Variants in PBLD observed in about 807,000 individuals in gnomAD.
PBLD encodes phenazine biosynthesis like protein domain containing.
Under a neutral mutation model 31.3 loss-of-function variants are expected in PBLD, and 26 were observed. The ratio of observed to expected loss-of-function variants is 0.83; its 90% confidence interval spans 0.61 to 1.15. The LOEUF is 1.15. Ranked by LOEUF, PBLD falls within the 50% of genes most tolerant of loss-of-function variation. PBLD has a pLI of 0.00. For synonymous variants in PBLD, 114 were observed against 129.0 expected, an observed-to-expected ratio of 0.88 and a Z score of 0.79; for missense variants, 307 against 351.7, an observed-to-expected ratio of 0.87 and a Z score of 1.02.
chr10:68,293,604 T>G (rs1166611763), intron 4 of PBLD, among the ~76,000 whole-genome samples: 1 of 152,238 alleles, frequency 6.6e-6, no homozygotes, highest in East Asian at 1.9e-4. Context: ...ACAAAGCATT[T>G]TTTCATACCT....
At chr10:68,329,498 G>A (rs10998070) in intron 1 of PBLD, among the ~76,000 whole-genome samples, 1 of 152,270 alleles carries the variant, frequency 6.6e-6, no homozygotes, top group Non-Finnish European at 1.5e-5. Context: ...CTGCCAAATC[G>A]GTTGAAAGAC....
intron 2 of PBLD, among the ~76,000 whole-genome samples, chr10:68,297,959 T>TGAA (rs113480498): frequency 6.7e-6 from 1 of 148,198 alleles, no homozygotes; most frequent in Non-Finnish European, 1.5e-5. Flanking sequence ...AAGATTTAAA[T>TGAA]AAAAAAAAAA....
chr10:68,296,223 G>A (rs1182847933), intron 4 of PBLD, 43 bp downstream of exon 4: 21 of 1,378,492 alleles, frequency 1.5e-5, no homozygotes, highest in Admixed American at 4.4e-5. Flanking sequence ...AAAAAAAAAA[G>A]CCATTTGCTA....
At chr10:68,307,536 G>C (rs1270139887) in intron 1 of PBLD, among the ~76,000 whole-genome samples, 1 of 151,952 alleles carries the variant, frequency 6.6e-6, no homozygotes, top group Non-Finnish European at 1.5e-5. Flanking sequence ...GCATCGCTCT[G>C]TCGTCCAGGC....
chr10:68,319,091 G>GAAAGAA (rs996680628), intron 1 of PBLD, among the ~76,000 whole-genome samples: 1 of 125,330 alleles, frequency 8.0e-6, no homozygotes, highest in Admixed American at 8.6e-5. Flanking sequence ...AAGAAAGAAA[G>GAAAGAA]AAAGAAAGAA....
At position 68,311,865 on chromosome 10, in the gene PBLD, A is replaced by T. The variant is rs560946435; in HGVS notation, c.-59-4962T>A. ...GGAAGATGGCAAATACTGGCTGTTT[A>T]CCCCCATAATCGTGTGGCTGGCTGG... On this transcript the variant is annotated intron_variant, in intron 1 of 9. Coordinates refer to ENST00000358769, the MANE Select transcript of PBLD (RefSeq NM_022129.4). Among the ~76,000 whole-genome samples, 301 of 152,084 alleles carry T rather than the reference A, an allele frequency of 2.0e-3. 1 individual carries two copies. Among genetic ancestry groups the T allele is most frequent in the Non-Finnish European group, 2.4e-3 (164 of 68,008 alleles).
At chr10:68,314,828 T>G (rs1208787183) in intron 1 of PBLD, among the ~76,000 whole-genome samples, 1 of 152,056 alleles carries the variant, frequency 6.6e-6, no homozygotes, top group Non-Finnish European at 1.5e-5. Context: ...CTCACTCTGT[T>G]GCCCAGGATG....
At chr10:68,298,217 G>A (rs1007927431) in intron 2 of PBLD, among the ~76,000 whole-genome samples, 1 of 152,184 alleles carries the variant, frequency 6.6e-6, no homozygotes, top group Non-Finnish European at 1.5e-5. Context: ...TTGTGCCACT[G>A]CACTCCAGCC....
intron 1 of PBLD, among the ~76,000 whole-genome samples, chr10:68,317,966 G>A (rs151149957): frequency 0.018 from 2,795 of 151,860 alleles, 91 homozygotes; most frequent in African/African-American, 0.065. Context: ...GGTGGCTCAC[G>A]CCTGTAATCC....
At chr10:68,305,228 C>A (rs1286605511) in intron 2 of PBLD, among the ~76,000 whole-genome samples, 1 of 149,754 alleles carries the variant, frequency 6.7e-6, no homozygotes, top group African/African-American at 2.4e-5. Context: ...TAAAAAACAA[C>A]AACAACAGCA....
Position 68,288,502 on chromosome 10 carries a change from C to T in PBLD, c.672G>A (p.Val224=), listed in dbSNP as rs1327631607. 5 of 1,613,990 alleles carry T rather than the reference C, an allele frequency of 3.1e-6. No homozygotes were observed. The highest frequency in any genetic ancestry group is 2.2e-5 in the South Asian group (2 of 91,054). The change falls in exon 8 of 10, where the codon GTG becomes GTA. Residue 224 remains valine, a synonymous_variant. Coordinates refer to ENST00000358769, the MANE Select transcript of PBLD (RefSeq NM_022129.4). The stretch of plus-strand genomic sequence containing the variant: ...AAGTACCTGTCACTGGGTCTTCAGC[C>T]ACACCAACCCACGGTGCAAAATATC... ...YSRYFAPWVG[V]AEDPVTGSAH...
chr10:68,290,360 A>G (rs1589648636), intron 6 of PBLD, among the ~76,000 whole-genome samples: 1 of 152,176 alleles, frequency 6.6e-6, no homozygotes, highest in African/African-American at 2.4e-5. Context: ...GCCGGATCCC[A>G]TCTGTTCTCC....
chr10:68,291,231 C>T (rs2044354251), intron 6 of PBLD, among the ~76,000 whole-genome samples: 1 of 152,198 alleles, frequency 6.6e-6, no homozygotes, highest in South Asian at 2.1e-4. Context: ...GGGACAACTG[C>T]AGTGCCTACC....
intron 1 of PBLD, among the ~76,000 whole-genome samples, chr10:68,324,238 A>G (rs1022760060): frequency 5.3e-5 from 8 of 151,634 alleles, no homozygotes; most frequent in Admixed American, 4.6e-4. Flanking sequence ...GTGCAGTGGC[A>G]CGATCTGGGC....
rs143910231 is a variant in PBLD, at chr10:68,314,330, C to T, written c.-59-7427G>A. Reference sequence around the variant, plus strand: ...AAAGACTTAAGAATCTGTTTATAAGCACTGGTGGAGTTTTGCTCTATCTTG... The same window carrying T: ...AAAGACTTAAGAATCTGTTTATAAGTACTGGTGGAGTTTTGCTCTATCTTG... On this transcript the variant is annotated intron_variant, in intron 1 of 9. Coordinates refer to ENST00000358769, the MANE Select transcript of PBLD (RefSeq NM_022129.4). Among the ~76,000 whole-genome samples, 84 of 152,208 alleles carry T rather than the reference C, an allele frequency of 5.5e-4. 4 individuals carry two copies. The East Asian group carries it at 0.015, about 28-fold the overall frequency.
intron 1 of PBLD, among the ~76,000 whole-genome samples, chr10:68,309,277 C>T (rs978688201): frequency 2.0e-5 from 3 of 148,870 alleles, no homozygotes; most frequent in Middle Eastern, 3.2e-3. Flanking sequence ...TGTGCTGGCT[C>T]GTGCCTATAA....
intron 1 of PBLD, among the ~76,000 whole-genome samples, chr10:68,327,515 T>C (rs1352862500): frequency 6.6e-6 from 1 of 151,706 alleles, no homozygotes; most frequent in Admixed American, 6.6e-5. Context: ...CCGTCTCTAC[T>C]AAAAATACAA....
At chr10:68,291,516 T>C (rs1159785564) in intron 6 of PBLD, among the ~76,000 whole-genome samples, 3 of 152,160 alleles carry the variant, frequency 2.0e-5, no homozygotes, top group Non-Finnish European at 4.4e-5. Flanking sequence ...CCAGGAAGGT[T>C]CCATTTTTTC....
At chr10:68,329,342 T>C (rs1406372223) in intron 1 of PBLD, among the ~76,000 whole-genome samples, 1 of 152,120 alleles carries the variant, frequency 6.6e-6, no homozygotes, top group Non-Finnish European at 1.5e-5. Context: ...AGTTTGGTAG[T>C]GAAAAGTCAG....
Sources: gnomAD v4.1 joint callset for allele counts (sites outside exome capture counted in the v4.1 genomes callset) on GRCh38, gnomAD v4.1.1 for gene constraint, MANE v1.5 for transcripts, NCBI Gene and HGNC (gene_info 2026-07-23, HGNC 2026-07-21) for gene names.